Variants in EML5 observed in about 807,000 individuals in gnomAD.
EML5 encodes EMAP like 5.
EML5 carries 120 observed loss-of-function variants against 250.0 expected under a neutral mutation model. The ratio of observed to expected loss-of-function variants is 0.48; its 90% confidence interval spans 0.41 to 0.56. The LOEUF (loss-of-function observed/expected upper bound fraction) is 0.56. EML5 is among the 20% of genes least tolerant of loss of function. The probability of loss-of-function intolerance (pLI) is 0.00; values close to 1 mark genes in which losing one functional copy is unlikely to be tolerated. For synonymous variants in EML5, 771 were observed against 806.5 expected (o/e 0.96, Z 0.75); for missense variants, 2,006 against 2,437.6 (o/e 0.82, Z 3.73).
chr14:88,666,776 G>C (rs1280529390), intron 21 of EML5, among the ~76,000 whole-genome samples: 1 of 152,094 alleles, frequency 6.6e-6, no homozygotes, highest in Non-Finnish European at 1.5e-5. Flanking sequence ...AAGCCCTAAG[G>C]ATTTTGGTAT....
Position 88,696,983 on chromosome 14 carries a change from CAATTA to C in EML5, c.2239-36_2239-32del, listed in dbSNP as rs751596718. The C allele has an allele frequency of 8.1e-6, 11 of 1,352,488 alleles. No individual in the cohort carries two copies. The East Asian group carries it at 2.3e-4, about 28-fold the overall frequency. The allele number at this position is 1,352,488 out of a possible 1,614,324, so 83.8% of individuals were successfully genotyped here. On this transcript the variant is annotated intron_variant, in intron 14 of 43. Transcript: ENST00000554922. Reference sequence around the variant, plus strand: ...ATAGAATTATAGAAGCTATTAAATACAATTAAATTATTTATTTCCATATCTACTAA... The same window carrying C: ...ATAGAATTATAGAAGCTATTAAATACAATTATTTATTTCCATATCTACTAA...
At chr14:88,645,241 G>C (rs2091290889) in intron 29 of EML5, among the ~76,000 whole-genome samples, 1 of 152,154 alleles carries the variant, frequency 6.6e-6, no homozygotes, top group Non-Finnish European at 1.5e-5. Flanking sequence ...GGCCAGGCTG[G>C]TTTGGAATTC....
intron 25 of EML5, among the ~76,000 whole-genome samples, chr14:88,660,496 A>G (rs2140933352): frequency 6.6e-6 from 1 of 152,190 alleles, no homozygotes. Flanking sequence ...TAATCCTAGT[A>G]CTTTGGGAGG....
chr14:88,690,518 C>T (rs1476026953), intron 17 of EML5, among the ~76,000 whole-genome samples: 1 of 152,080 alleles, frequency 6.6e-6, no homozygotes, highest in Non-Finnish European at 1.5e-5. Flanking sequence ...CTTGTAAGAG[C>T]AGCTGGGTGG....
At chr14:88,687,933 G>A (rs1055624234) in intron 18 of EML5, among the ~76,000 whole-genome samples, 1 of 152,070 alleles carries the variant, frequency 6.6e-6, no homozygotes, top group Non-Finnish European at 1.5e-5. Context: ...AGATGGGTGT[G>A]GGTGGCACTT....
In EML5 at chr14:88,714,959, C is replaced by A. The variant is rs753206697; in HGVS notation, c.1424G>T (p.Arg475Ile). Reference sequence around the variant, plus strand: ...GTTACCTGGCATTCTATAAAAAAGTCTTTTCCCATTTCCATCATTTGTCTG... The same window carrying A: ...GTTACCTGGCATTCTATAAAAAAGTATTTTCCCATTTCCATCATTTGTCTG... ...YLQTNDGNGK[R>I]LFYRMPGGKE... The change falls in exon 9 of 44, where the codon AGA (arginine) becomes ATA (isoleucine). Residue 475 changes from arginine (R) to isoleucine (I), a missense_variant. Arg to Ile is a moderately conservative substitution (Grantham distance 97, BLOSUM62 -3). Coordinates refer to ENST00000554922, the MANE Select transcript of EML5 (RefSeq NM_183387.3). 5.0e-6 allele frequency: 8 copies of A among 1,612,420 alleles called. No homozygotes were observed. In the East Asian group the frequency reaches 6.7e-5, roughly 13 times the overall value.
At chr14:88,788,910 A>G (rs1177904335) in intron 1 of EML5, among the ~76,000 whole-genome samples, 1 of 151,726 alleles carries the variant, frequency 6.6e-6, no homozygotes, top group African/African-American at 2.4e-5. Context: ...AAAAAAAAAA[A>G]AAATAGCCCA....
rs747479298 is a variant in EML5 at position 88,736,581 on chromosome 14, T to C, written c.848-16A>G. On this transcript the variant is annotated splice_polypyrimidine_tract_variant and intron_variant, in intron 6 of 43. Transcript: ENST00000554922. ...ACAGACAAACCTAGTAAAAAGTAAA[T>C]TGTATTTAATATATAATGCTGTAAT... The C allele has an allele frequency of 2.9e-5, 46 of 1,610,766 alleles. No individual in the cohort carries two copies. The Admixed American group carries it at 7.2e-4, about 25-fold the overall frequency.
chr14:88,737,297 A>G (rs1301408824), intron 6 of EML5, among the ~76,000 whole-genome samples: 1 of 152,218 alleles, frequency 6.6e-6, no homozygotes, highest in Non-Finnish European at 1.5e-5. Context: ...CAGGGCCGCT[A>G]GAGTCCCCAA....
intron 21 of EML5, 102 bp downstream of exon 21, chr14:88,681,788 T>C: frequency 7.8e-7 from 1 of 1,286,056 alleles, no homozygotes; most frequent in African/African-American, 1.5e-5. Context: ...TTTCAACATA[T>C]TTAAAGCCTT....
chr14:88,646,471 C>T (rs2091352039), intron 29 of EML5, among the ~76,000 whole-genome samples: 1 of 152,078 alleles, frequency 6.6e-6, no homozygotes, highest in Non-Finnish European at 1.5e-5. Flanking sequence ...AGGACCATTT[C>T]AAAGAATGAT....
intron 21 of EML5, among the ~76,000 whole-genome samples, chr14:88,669,707 C>G (rs2092405631): frequency 1.3e-5 from 2 of 152,290 alleles, no homozygotes; most frequent in African/African-American, 4.8e-5. Flanking sequence ...TGGGATTTCC[C>G]CCAGTGTAAT....
At chr14:88,791,578 C>G (rs1385804927) in intron 1 of EML5, among the ~76,000 whole-genome samples, 2 of 152,108 alleles carry the variant, frequency 1.3e-5, no homozygotes, top group Non-Finnish European at 2.9e-5. Flanking sequence ...CCAAGGAAGA[C>G]TAAAAATAGC....
At chr14:88,740,651 A>G (rs2093911265) in intron 4 of EML5, 79 bp from the exon 5 acceptor site, 1 of 1,263,022 alleles carries the variant, frequency 7.9e-7, no homozygotes, top group Non-Finnish European at 1.1e-6. Flanking sequence ...CTTTGATGCT[A>G]TATTAGAGCA....
chr14:88,740,469 A>G lies in EML5; in HGVS notation c.629T>C (p.Leu210Ser). 6.2e-7 allele frequency: 1 copy of G among 1,613,916 alleles called. No homozygotes were observed. Among genetic ancestry groups the G allele is most frequent in the Non-Finnish European group, 8.5e-7 (1 of 1,179,836 alleles). Residue 210 changes from leucine (L) to serine (S), a missense_variant, in exon 5 of 44, where the codon TTA (leucine) becomes TCA (serine). By Grantham distance (145) the Leu-to-Ser change is moderately radical (BLOSUM62 -2). Transcript: ENST00000554922. ...ILCLACARDE[L>S]TYSGALNGDI... ...CCCATTGAGTGCACCAGAATATGTTAATTCATCCCTTGCACAGGCTAGGCA... is the reference window on the plus strand; with the variant it reads ...CCCATTGAGTGCACCAGAATATGTTGATTCATCCCTTGCACAGGCTAGGCA...
chr14:88,647,546 A>T (rs1021474759), intron 28 of EML5, among the ~76,000 whole-genome samples: 2 of 151,554 alleles, frequency 1.3e-5, no homozygotes, highest in South Asian at 2.1e-4. Context: ...AAAACACAAC[A>T]ATTAGCCAGG....
chr14:88,664,767 C>A, intron 22 of EML5, 143 bp from the exon 23 acceptor site: 2 of 803,738 alleles, frequency 2.5e-6, no homozygotes, highest in Non-Finnish European at 1.9e-6. Flanking sequence ...TGTTAAATAA[C>A]AAATGATAAC....
chr14:88,618,568 C>T, intron 40 of EML5, 82 bp downstream of exon 40: 1 of 1,471,136 alleles, frequency 6.8e-7, no homozygotes, highest in Admixed American at 2.3e-5. Context: ...CTCTGGAGCT[C>T]AGGAACTTTA....
chr14:88,770,629 G>A (rs917110326), intron 1 of EML5, among the ~76,000 whole-genome samples: 2 of 152,096 alleles, frequency 1.3e-5, no homozygotes, highest in Non-Finnish European at 2.9e-5. Context: ...ATTCTCTTCC[G>A]ATTGGTCCAA....
Sources: gnomAD v4.1 joint callset for allele counts (sites outside exome capture counted in the v4.1 genomes callset) on GRCh38, gnomAD v4.1.1 for gene constraint, MANE v1.5 for transcripts, NCBI Gene and HGNC (gene_info 2026-07-23, HGNC 2026-07-21) for gene names.